Variants in CTNNA2 observed in about 807,000 individuals in gnomAD.
CTNNA2 encodes the protein catenin alpha-2.
CTNNA2 carries 42 observed loss-of-function variants against 101.0 expected under a neutral mutation model. The observed-to-expected ratio is 0.42, with a 90% CI of 0.32 to 0.54. CTNNA2 has a LOEUF of 0.54. Among genes scored for constraint, CTNNA2 ranks in the 20% least tolerant of loss-of-function variants. The pLI is 0.14. For synonymous variants in CTNNA2, 450 were observed against 456.4 expected (o/e 0.99, Z 0.18); for missense variants, 871 against 1,223.1 (o/e 0.71, Z 4.29).
chr2:79,701,137 A>G (rs1684974443), intron 2 of CTNNA2, among the ~76,000 whole-genome samples: 1 of 152,116 alleles, frequency 6.6e-6, no homozygotes, highest in African/African-American at 2.4e-5. Flanking sequence ...TTGATAGCTT[A>G]TTGTGTGTCA....
At chr2:79,314,750 A>G (rs967895348) in intron 3 of CTNNA2, among the ~76,000 whole-genome samples, 3 of 152,188 alleles carry the variant, frequency 2.0e-5, no homozygotes, top group Admixed American at 2.0e-4. Flanking sequence ...CTGCTATGCT[A>G]GAGTAGGATG....
chr2:80,244,619 C>T (rs1451140874), intron 7 of CTNNA2, among the ~76,000 whole-genome samples: 1 of 152,202 alleles, frequency 6.6e-6, no homozygotes, highest in Non-Finnish European at 1.5e-5. Context: ...AATAGCACCT[C>T]TTTTGTTAGG....
At chr2:80,413,473 C>T (rs1330524291) in intron 8 of CTNNA2, among the ~76,000 whole-genome samples, 1 of 152,130 alleles carries the variant, frequency 6.6e-6, no homozygotes, top group Non-Finnish European at 1.5e-5. Context: ...TATAGATATG[C>T]CTCTCCTCCC....
At chr2:80,626,736 T>G (rs1004187662) in intron 18 of CTNNA2, among the ~76,000 whole-genome samples, 1 of 152,082 alleles carries the variant, frequency 6.6e-6, no homozygotes, top group Non-Finnish European at 1.5e-5. Flanking sequence ...TTATTAGACT[T>G]TAAGTTCTGG....
chr2:79,858,168 C>T lies in CTNNA2; in HGVS notation c.454C>T (p.His152Tyr). The change falls in exon 4 of 19, where the codon CAT becomes TAT. Residue 152 changes from histidine (H) to tyrosine (Y), a missense_variant. Physicochemically the swap from His to Tyr is moderately conservative, Grantham distance 83. Transcript: ENST00000402739. ...GGCAGATGTCATGAGACTTTTATCCCATCTGAAAATTGTACGTATGTAGAA... is the reference window on the plus strand; with the variant it reads ...GGCAGATGTCATGAGACTTTTATCCTATCTGAAAATTGTACGTATGTAGAA... The part of the protein sequence containing the change: ...DMADVMRLLS[H>Y]LKIVEEALEA... 6.2e-7 allele frequency: 1 copy of T among 1,611,754 alleles called. No individual in the cohort carries two copies. Among genetic ancestry groups the T allele is most frequent in the South Asian group, 1.1e-5 (1 of 91,028 alleles).
intron 7 of CTNNA2, among the ~76,000 whole-genome samples, chr2:80,062,242 C>T (rs1363646355): frequency 6.6e-6 from 1 of 152,198 alleles, no homozygotes; most frequent in Non-Finnish European, 1.5e-5. Flanking sequence ...TCAAATTTCT[C>T]CAATTTTAAT....
At chr2:79,763,410 A>G (rs1055987246) in intron 3 of CTNNA2, among the ~76,000 whole-genome samples, 1 of 151,332 alleles carries the variant, frequency 6.6e-6, no homozygotes, top group Admixed American at 6.6e-5. Flanking sequence ...CTTTTTCTCC[A>G]TTTTCTTCTC....
chr2:80,079,885 T>TAAA, intron 7 of CTNNA2, among the ~76,000 whole-genome samples: 1 of 127,560 alleles, frequency 7.8e-6, no homozygotes, highest in African/African-American at 3.3e-5. Flanking sequence ...AATAAAATAA[T>TAAA]AAAATAAAAT....
At chr2:80,614,808 A>G (rs150994689) in intron 17 of CTNNA2, among the ~76,000 whole-genome samples, 1 of 151,498 alleles carries the variant, frequency 6.6e-6, no homozygotes, top group Non-Finnish European at 1.5e-5. Context: ...GTTCAATGTA[A>G]TGTTTCCTTA....
intron 7 of CTNNA2, among the ~76,000 whole-genome samples, chr2:80,109,536 C>T (rs1385348742): frequency 1.3e-5 from 2 of 152,180 alleles, no homozygotes; most frequent in African/African-American, 4.8e-5. Flanking sequence ...TACAGAGCCT[C>T]TGGTCTCCAG....
intron 1 of CTNNA2, among the ~76,000 whole-genome samples, chr2:79,583,912 T>C (rs1329411724): frequency 6.6e-6 from 1 of 152,186 alleles, no homozygotes; most frequent in Non-Finnish European, 1.5e-5. Context: ...CATTGTTTTC[T>C]TTAACCTGAT....
chr2:80,040,953 G>A (rs1170779589), intron 7 of CTNNA2, among the ~76,000 whole-genome samples: 10 of 152,142 alleles, frequency 6.6e-5, no homozygotes, highest in Non-Finnish European at 1.3e-4. Context: ...ATGGCACAAG[G>A]AATTGGTAGA....
intron 2 of CTNNA2, among the ~76,000 whole-genome samples, chr2:79,682,280 G>A (rs779862246): frequency 2.0e-5 from 3 of 151,460 alleles, no homozygotes; most frequent in Non-Finnish European, 2.9e-5. Context: ...GTGTGGTGGC[G>A]GGCGCCTGTA....
chr2:79,799,977 T>A (rs1558939582), intron 3 of CTNNA2, among the ~76,000 whole-genome samples: 2 of 152,144 alleles, frequency 1.3e-5, no homozygotes. Flanking sequence ...GGAGAAGCAA[T>A]CACATGATCT....
At chr2:80,260,907 T>C (rs773025074) in intron 7 of CTNNA2, among the ~76,000 whole-genome samples, 9 of 152,168 alleles carry the variant, frequency 5.9e-5, no homozygotes, top group African/African-American at 7.2e-5. Flanking sequence ...AATATTTAGG[T>C]AACATTTGTT....
intron 1 of CTNNA2, among the ~76,000 whole-genome samples, chr2:79,614,963 G>T (rs1678521019): frequency 6.6e-6 from 1 of 152,120 alleles, no homozygotes; most frequent in Non-Finnish European, 1.5e-5. Flanking sequence ...GAATTTCAAG[G>T]TTTCCTGAGC....
intron 7 of CTNNA2, among the ~76,000 whole-genome samples, chr2:80,320,878 T>A (rs755880282): frequency 1.3e-5 from 2 of 152,194 alleles, no homozygotes; most frequent in Non-Finnish European, 2.9e-5. Context: ...TCAATTTTTT[T>A]AAAGTTGAAT....
Position 79,858,027 on chromosome 2 carries a change from A to T in CTNNA2, c.313A>T (p.Ile105Phe). 1 of 1,613,104 alleles carries T rather than the reference A, an allele frequency of 6.2e-7. No individual in the cohort carries two copies. Among genetic ancestry groups the T allele is most frequent in the Non-Finnish European group, 8.5e-7 (1 of 1,179,132 alleles). The change falls in exon 4 of 19, where the codon ATC becomes TTC. Residue 105 changes from isoleucine to phenylalanine, a missense_variant. Physicochemically the swap from Ile to Phe is conservative, Grantham distance 21. This residue lies in a region of CTNNA2 where 647 missense variants were observed against 831.5 expected (regional missense o/e 0.78). Transcript: ENST00000402739. ...CTGTCTTCCAGGTGAGACGATGCGG[A>T]TCGCCTCCTCCGAGTTTGCAGATGA... ...DVRKQGETMRIASSEFADDPC... is the reference protein window; with the variant it reads ...DVRKQGETMRFASSEFADDPC...
intron 4 of CTNNA2, among the ~76,000 whole-genome samples, chr2:79,467,408 A>T (rs1011733621): frequency 3.3e-5 from 5 of 152,236 alleles, no homozygotes; most frequent in African/African-American, 1.2e-4. Flanking sequence ...TGATTGGTGT[A>T]CCTGAAAGTG....
Sources: allele counts gnomAD v4.1 joint callset (sites outside exome capture counted in the v4.1 genomes callset), GRCh38; gene constraint gnomAD v4.1.1; regional missense constraint gnomAD v4.1.1; transcripts MANE v1.5; gene names NCBI Gene and HGNC (gene_info 2026-07-23, HGNC 2026-07-21).